The following LRP6 variants were observed in gnomAD, a reference collection of about 807,000 sequenced individuals.
LRP6 encodes the protein low-density lipoprotein receptor-related protein 6.
A neutral mutation model predicts 184.1 loss-of-function variants in LRP6; 43 were observed. The observed-to-expected ratio is 0.23, with a 90% CI of 0.18 to 0.30. LRP6 has a LOEUF of 0.30. Ranked by LOEUF, LRP6 falls within the 10% of genes least tolerant of loss-of-function variation. The pLI is 1.00. For missense variants in LRP6, 1,571 were observed against 2,005.3 expected (o/e 0.78, Z 4.14); for synonymous variants, 719 against 684.9 (o/e 1.05, Z -0.78).
intron 2 of LRP6, among the ~76,000 whole-genome samples, chr12:12,237,931 T>C (rs894782350): frequency 6.6e-6 from 1 of 152,216 alleles, no homozygotes. Context: ...CAACATTAAT[T>C]CCTGGTTAGA....
chr12:12,149,484 C>T (rs181027733), intron 13 of LRP6, among the ~76,000 whole-genome samples: 3 of 152,280 alleles, frequency 2.0e-5, no homozygotes, highest in Non-Finnish European at 4.4e-5. Context: ...GCTAAAACCA[C>T]ACCCTAGAAA....
chr12:12,195,420 G>A (rs572096112), intron 3 of LRP6, among the ~76,000 whole-genome samples: 1 of 152,112 alleles, frequency 6.6e-6, no homozygotes, highest in East Asian at 1.9e-4. Context: ...ACTTCATTGT[G>A]AATTTAATTT....
rs1750906378 is a variant in LRP6, at chr12:12,118,227, A to C, written c.*2899T>G. The C allele has an allele frequency of 6.6e-6, 1 of 152,218 alleles. No homozygotes were observed. The highest frequency in any genetic ancestry group is 2.4e-5 in the African/African-American group (1 of 41,456). 9.4% of individuals were successfully genotyped at this position (152,218 alleles called of 1,614,324 possible). ...CACCAACTCTCTTTGTTTCCCTGTGAATGTGCTATTATCTGACTTAAGCAA... is the reference window on the plus strand; with the variant it reads ...CACCAACTCTCTTTGTTTCCCTGTGCATGTGCTATTATCTGACTTAAGCAA... On this transcript the variant is annotated 3_prime_UTR_variant, in exon 23 of 23. Transcript: ENST00000261349.
intron 19 of LRP6, among the ~76,000 whole-genome samples, chr12:12,129,537 T>G (rs1949717837): frequency 6.6e-6 from 1 of 152,078 alleles, no homozygotes; most frequent in South Asian, 2.1e-4. Context: ...CACTATTCAT[T>G]GATCAACACC....
chr12:12,225,303 C>A (rs1490287529), intron 2 of LRP6, among the ~76,000 whole-genome samples: 4 of 152,162 alleles, frequency 2.6e-5, no homozygotes, highest in Non-Finnish European at 5.9e-5. Flanking sequence ...CAACAAAGAT[C>A]AACAACTCTT....
intron 16 of LRP6, among the ~76,000 whole-genome samples, chr12:12,136,955 CTAAA>C (rs892660478): frequency 2.0e-4 from 31 of 152,238 alleles, no homozygotes; most frequent in South Asian, 1.2e-3. Flanking sequence ...CATGTATCGA[CTAAA>C]TAAATAACTT....
At chr12:12,241,350 C>G (rs1415025504) in intron 2 of LRP6, among the ~76,000 whole-genome samples, 1 of 152,166 alleles carries the variant, frequency 6.6e-6, no homozygotes, top group Non-Finnish European at 1.5e-5. Flanking sequence ...ATGATGTACT[C>G]TACCTATAAT....
Position 12,125,434 on chromosome 12 carries a change from T to A in LRP6, c.4313-2A>T, listed in dbSNP as rs1294769217. The stretch of plus-strand genomic sequence containing the variant: ...TCATTGATTTACCTCGAGACATTCC[T>A]AAAATAAAAGGAGGTTAAAAACTGA... On this transcript the variant is annotated splice_acceptor_variant, in intron 20 of 22. Coordinates refer to ENST00000261349, the MANE Select transcript of LRP6 (RefSeq NM_002336.3). LOFTEE classifies it high-confidence loss of function. The A allele has an allele frequency of 6.2e-7, 1 of 1,613,658 alleles. No individual in the cohort carries two copies. The highest frequency in any genetic ancestry group is 1.7e-4 in the Middle Eastern group (1 of 6,050).
chr12:12,239,242 T>C (rs1423969682), intron 2 of LRP6, among the ~76,000 whole-genome samples: 1 of 152,174 alleles, frequency 6.6e-6, no homozygotes, highest in Non-Finnish European at 1.5e-5. Context: ...TAAAGCAAGA[T>C]CCAGTCTAAA....
At chr12:12,264,746 A>G (rs1402958387) in intron 1 of LRP6, among the ~76,000 whole-genome samples, 1 of 151,970 alleles carries the variant, frequency 6.6e-6, no homozygotes, top group Non-Finnish European at 1.5e-5. Flanking sequence ...TTACATCAAA[A>G]GACAGTTTTA....
chr12:12,215,988 G>A (rs555802460), intron 2 of LRP6, among the ~76,000 whole-genome samples: 5 of 152,100 alleles, frequency 3.3e-5, no homozygotes, highest in African/African-American at 1.2e-4. Flanking sequence ...CTCTAGCCTG[G>A]GCGACAAGAG....
At chr12:12,230,764 T>G (rs899543129) in intron 2 of LRP6, among the ~76,000 whole-genome samples, 1 of 152,198 alleles carries the variant, frequency 6.6e-6, no homozygotes, top group Non-Finnish European at 1.5e-5. Flanking sequence ...CTAGAACTAC[T>G]GGTGAATCTT....
At chr12:12,265,999 T>C (rs1262593065) in intron 1 of LRP6, among the ~76,000 whole-genome samples, 5 of 152,254 alleles carry the variant, frequency 3.3e-5, no homozygotes, top group Admixed American at 6.5e-5. Context: ...AACTGTACAC[T>C]TGCATACTCC....
chr12:12,241,981 A>G (rs951070274), intron 2 of LRP6, among the ~76,000 whole-genome samples: 5 of 152,236 alleles, frequency 3.3e-5, no homozygotes, highest in African/African-American at 1.2e-4. Flanking sequence ...CCTGCTACCC[A>G]GAAGTAAAGC....
chr12:12,178,380 GC>G lies in LRP6; in HGVS notation c.1545+1429del, dbSNP rs970993333. Reference sequence around the variant, plus strand: ...AGTCAGTTATAGCAGACTAAGATGGGCAAAACCAAATACGGAATTTTAAAAA... The same window carrying G: ...AGTCAGTTATAGCAGACTAAGATGGGAAAACCAAATACGGAATTTTAAAAA... On this transcript the variant is annotated intron_variant, in intron 7 of 22. Transcript: ENST00000261349. Among the ~76,000 whole-genome samples the G allele has an allele frequency of 1.7e-4, 26 of 152,214 alleles. 1 individual carries two copies. Among genetic ancestry groups the G allele is most frequent in the African/African-American group, 6.3e-4 (26 of 41,550 alleles).
intron 19 of LRP6, among the ~76,000 whole-genome samples, chr12:12,127,370 T>A (rs1369116235): frequency 6.6e-6 from 1 of 152,210 alleles, no homozygotes; most frequent in Non-Finnish European, 1.5e-5. Context: ...ATGTTTTACC[T>A]GGAATGGTGA....
rs6488506 is a variant in LRP6 at position 12,165,449 on chromosome 12, A to G, written c.1546-154T>C. ...TCAAAATTACATGATGATTTTATAA[A>G]AATGATTTCAAATTTTCCATATAAG... On this transcript the variant is annotated intron_variant, in intron 7 of 22. Transcript: ENST00000261349. Among the ~76,000 whole-genome samples the G allele has an allele frequency of 0.23, 34,941 of 152,074 alleles. 4,816 individuals are homozygous for G. Among genetic ancestry groups the G allele is most frequent in the African/African-American group, 0.38 (15,790 of 41,456 alleles).
intron 2 of LRP6, among the ~76,000 whole-genome samples, chr12:12,232,547 C>T (rs750684385): frequency 1.2e-4 from 17 of 142,156 alleles, no homozygotes; most frequent in Non-Finnish European, 2.1e-4. Context: ...ATAAAACACT[C>T]GAGGAAACAT....
At chr12:12,229,743 T>C (rs1463745208) in intron 2 of LRP6, among the ~76,000 whole-genome samples, 1 of 152,220 alleles carries the variant, frequency 6.6e-6, no homozygotes, top group East Asian at 1.9e-4. Context: ...GATAAATATC[T>C]CCCTTGGCTT....
Sources: allele counts gnomAD v4.1 joint callset (sites outside exome capture counted in the v4.1 genomes callset), GRCh38; gene constraint gnomAD v4.1.1; transcripts MANE v1.5; gene names NCBI Gene and HGNC (gene_info 2026-07-23, HGNC 2026-07-21).